ANXA8: variants seen among roughly 807,000 people sequenced by gnomAD.
ANXA8 encodes the protein VAC-beta.
Under a neutral mutation model 26.8 loss-of-function variants are expected in ANXA8, and 9 were observed. The ratio of observed to expected loss-of-function variants is 0.34; its 90% CI spans 0.20 to 0.59. The LOEUF (loss-of-function observed/expected upper bound fraction) is 0.59. Among genes scored for constraint, ANXA8 ranks in the 20% least tolerant of loss-of-function variants. The pLI is 0.84. For missense variants in ANXA8, 83 were observed against 238.5 expected, an observed-to-expected ratio of 0.35 and a Z score of 4.29; for synonymous variants, 39 against 94.8, an observed-to-expected ratio of 0.41 and a Z score of 3.42.
the ANXA8 span, among the ~76,000 whole-genome samples, chr10:47,521,940 C>T: frequency 2.0e-5 from 3 of 150,328 alleles, no homozygotes; most frequent in Non-Finnish European, 4.4e-5. Flanking sequence ...GCCACTACGC[C>T]CAGCTAATTT....
At chr10:47,606,107 TA>T in the ANXA8 span, among the ~76,000 whole-genome samples, 1 of 140,342 alleles carries the variant, frequency 7.1e-6, no homozygotes, top group Non-Finnish European at 1.5e-5. Flanking sequence ...TGGGTGAACA[TA>T]AACCACACTT....
chr10:47,683,926 G>A, the ANXA8 span, among the ~76,000 whole-genome samples: 3 of 151,686 alleles, frequency 2.0e-5, no homozygotes, highest in Non-Finnish European at 2.9e-5. Context: ...TACATGTTTT[G>A]TAATAAGCAT....
the ANXA8 span, among the ~76,000 whole-genome samples, chr10:47,685,116 G>A: frequency 6.7e-6 from 1 of 149,916 alleles, no homozygotes; most frequent in African/African-American, 2.5e-5. Context: ...GGAGGCTGAG[G>A]CGGGCGGATC....
the ANXA8 span, among the ~76,000 whole-genome samples, chr10:47,902,096 T>C: frequency 6.6e-6 from 1 of 151,646 alleles, no homozygotes; most frequent in African/African-American, 2.4e-5. Context: ...GTATTAGAGC[T>C]AGTCATTAAG....
At chr10:47,665,235 A>G in the ANXA8 span, among the ~76,000 whole-genome samples, 1 of 149,138 alleles carries the variant, frequency 6.7e-6, no homozygotes, top group African/African-American at 2.6e-5. Flanking sequence ...ATAAAGGAAA[A>G]GAAGTCAGGG....
At chr10:47,720,655 T>A in the ANXA8 span, among the ~76,000 whole-genome samples, 3 of 141,444 alleles carry the variant, frequency 2.1e-5, no homozygotes, top group Non-Finnish European at 4.6e-5. Flanking sequence ...CTCCTTATGA[T>A]TATTTCTAAA....
the ANXA8 span, among the ~76,000 whole-genome samples, chr10:47,519,396 A>G: frequency 8.5e-6 from 1 of 117,216 alleles, no homozygotes; most frequent in African/African-American, 3.4e-5. Flanking sequence ...TGAACCTGGG[A>G]GATGGAGGTT....
chr10:47,556,948 C>T, the ANXA8 span, among the ~76,000 whole-genome samples: 11 of 147,586 alleles, frequency 7.5e-5, 1 homozygote, highest in Non-Finnish European at 1.0e-4. Flanking sequence ...CTACTTTATA[C>T]AGAACAGTAC....
chr10:47,500,253 G>T, the ANXA8 span, among the ~76,000 whole-genome samples: 1 of 142,222 alleles, frequency 7.0e-6, no homozygotes, highest in Non-Finnish European at 1.5e-5. Flanking sequence ...AACAGCTGCT[G>T]TTGCTCTTCA....
At chr10:47,743,277 TACACACATATATATATACAC>T in the ANXA8 span, among the ~76,000 whole-genome samples, 6 of 92,234 alleles carry the variant, frequency 6.5e-5, no homozygotes, top group South Asian at 3.8e-4. Context: ...TATATATATA[TACACACATATATATATACAC>T]ATATATATAT....
the ANXA8 span, among the ~76,000 whole-genome samples, chr10:47,683,594 T>C: frequency 6.6e-6 from 1 of 152,034 alleles, no homozygotes; most frequent in East Asian, 1.9e-4. Context: ...TTGAATTTGG[T>C]TCAATCAGGT....
chr10:47,529,016 G>C, the ANXA8 span, among the ~76,000 whole-genome samples: 1 of 143,186 alleles, frequency 7.0e-6, no homozygotes, highest in African/African-American at 2.5e-5. Context: ...TTGTAGACTT[G>C]AGATGATGTC....
chr10:47,896,394 C>T, the ANXA8 span, among the ~76,000 whole-genome samples: 1 of 128,452 alleles, frequency 7.8e-6, no homozygotes, highest in Non-Finnish European at 1.7e-5. Flanking sequence ...CTTCTGAGCA[C>T]ATGCAAAACC....
the ANXA8 span, among the ~76,000 whole-genome samples, chr10:47,691,413 T>C: frequency 1.4e-5 from 2 of 142,754 alleles, no homozygotes; most frequent in African/African-American, 5.6e-5. Flanking sequence ...TCCTGCCCAT[T>C]GCCACTTCTG....
chr10:47,554,699 C>T, the ANXA8 span, among the ~76,000 whole-genome samples: 2 of 151,700 alleles, frequency 1.3e-5, no homozygotes, highest in African/African-American at 4.9e-5. Context: ...TCACCGAGAC[C>T]CCCAGGCTTC....
the ANXA8 span, among the ~76,000 whole-genome samples, chr10:47,701,651 T>A: frequency 6.6e-6 from 1 of 151,492 alleles, no homozygotes; most frequent in African/African-American, 2.4e-5. Flanking sequence ...ATTGGAGGAA[T>A]AAGAAAATAC....
the ANXA8 span, among the ~76,000 whole-genome samples, chr10:47,575,351 C>A: frequency 9.6e-6 from 1 of 103,670 alleles, no homozygotes; most frequent in Non-Finnish European, 2.0e-5. Context: ...CTTTTATTGA[C>A]TTGTATTTGT....
At chr10:47,668,434 ACT>A in the ANXA8 span, among the ~76,000 whole-genome samples, 2 of 147,044 alleles carry the variant, frequency 1.4e-5, no homozygotes, top group Non-Finnish European at 3.0e-5. Context: ...AACCTAGCTA[ACT>A]TTTTTGATTT....
the ANXA8 span, among the ~76,000 whole-genome samples, chr10:47,726,596 A>G: frequency 1.8e-4 from 28 of 152,256 alleles, no homozygotes; most frequent in Non-Finnish European, 2.9e-5. Context: ...ATATTTTTAT[A>G]TTAGTATCTG....
Sources: gnomAD v4.1 joint callset for allele counts (sites outside exome capture counted in the v4.1 genomes callset) on GRCh38, gnomAD v4.1.1 for gene constraint, MANE v1.5 for transcripts, NCBI Gene and HGNC (gene_info 2026-07-23, HGNC 2026-07-21) for gene names.